NAA60: variants seen among roughly 807,000 people sequenced by gnomAD.
NAA60 encodes N-alpha-acetyltransferase 60.
In NAA60, 8 loss-of-function variants were observed where a neutral mutation model predicts 26.1. The observed-to-expected ratio is 0.31, with a 90% CI of 0.18 to 0.55. NAA60 has a LOEUF of 0.55. Ranked by LOEUF, NAA60 falls within the 20% of genes least tolerant of loss-of-function variation. The pLI is 0.93. For synonymous variants in NAA60, 131 were observed against 122.5 expected, an observed-to-expected ratio of 1.07 and a Z score of -0.46; for missense variants, 290 against 311.3, an observed-to-expected ratio of 0.93 and a Z score of 0.51.
In NAA60 at chr16:3,476,156, C is replaced by G. The variant is rs539545778; in HGVS notation, c.-6-66C>G. On this transcript the variant is annotated intron_variant, in intron 2 of 7. Transcript: ENST00000407558. Reference sequence around the variant, plus strand: ...CTCCGTGCTCTTCTGTCTCGCCTGCCTCACAAGCTGAGCATGAGGAAGACC... The same window carrying G: ...CTCCGTGCTCTTCTGTCTCGCCTGCGTCACAAGCTGAGCATGAGGAAGACC... 1.9e-5 allele frequency: 24 copies of G among 1,292,392 alleles called. No homozygotes were observed. In the African/African-American group the frequency reaches 3.3e-4, roughly 18 times the overall value. 80.1% of individuals were successfully genotyped at this position (1,292,392 alleles called of 1,614,324 possible).
At chr16:3,443,961 G>C (rs1031471447) in intron 1 of NAA60, 124 bp downstream of exon 1, 10 of 1,387,774 alleles carry the variant, frequency 7.2e-6, no homozygotes, top group Non-Finnish European at 9.3e-6. Context: ...TGAGCGGATG[G>C]TGGGGCCGTG....
intron 2 of NAA60, among the ~76,000 whole-genome samples, chr16:3,463,407 G>T (rs1223633752): frequency 1.3e-5 from 2 of 151,266 alleles, no homozygotes; most frequent in Admixed American, 6.6e-5. Context: ...AAAATTACCT[G>T]AGTGTAGTAA....
intron 1 of NAA60, 99 bp downstream of exon 1, chr16:3,443,936 C>T: frequency 7.0e-7 from 1 of 1,433,520 alleles, no homozygotes; most frequent in Non-Finnish European, 9.1e-7. Context: ...TGGGCTTGAG[C>T]TGTCCTTTGT....
chr16:3,460,244 T>C (rs779351449), intron 2 of NAA60, among the ~76,000 whole-genome samples: 4 of 152,252 alleles, frequency 2.6e-5, no homozygotes, highest in Non-Finnish European at 4.4e-5. Flanking sequence ...TATCAGACAC[T>C]GTTTTCTTAA....
At chr16:3,467,132 G>T (rs2035815833) in intron 2 of NAA60, among the ~76,000 whole-genome samples, 1 of 152,160 alleles carries the variant, frequency 6.6e-6, no homozygotes, top group Admixed American at 6.5e-5. Flanking sequence ...GGGGTTGGGG[G>T]GCGGCCTTTA....
intron 4 of NAA60, among the ~76,000 whole-genome samples, chr16:3,480,657 C>G (rs987879454): frequency 6.6e-6 from 1 of 151,402 alleles, no homozygotes; most frequent in Non-Finnish European, 1.5e-5. Flanking sequence ...GTGGCTCACA[C>G]CTATAACCCC....
chr16:3,456,821 C>G (rs184039591), intron 2 of NAA60: 1 of 151,738 alleles, frequency 6.6e-6, no homozygotes, highest in African/African-American at 2.4e-5. Flanking sequence ...TGGAGTTTTG[C>G]TTTTGTCGCG....
At chr16:3,471,931 G>T (rs376868270) in intron 2 of NAA60, among the ~76,000 whole-genome samples, 12 of 152,148 alleles carry the variant, frequency 7.9e-5, no homozygotes, top group East Asian at 5.8e-4. Flanking sequence ...TGCCTTGTCC[G>T]TCGATGTTGT....
intron 1 of NAA60, among the ~76,000 whole-genome samples, chr16:3,447,880 A>T (rs1051319222): frequency 6.6e-6 from 1 of 152,222 alleles, no homozygotes; most frequent in Non-Finnish European, 1.5e-5. Context: ...AAAAAAGCTC[A>T]GGGCTCTAAA....
intron 2 of NAA60, chr16:3,449,929 C>G: frequency 2.5e-6 from 1 of 395,954 alleles, no homozygotes; most frequent in Non-Finnish European, 4.5e-6. Flanking sequence ...GCCTCCCCAG[C>G]CACGTGGAAC....
At chr16:3,484,593 C>G in intron 6 of NAA60, 106 bp from the exon 7 acceptor site, 1 of 1,436,258 alleles carries the variant, frequency 7.0e-7, no homozygotes, top group Non-Finnish European at 9.4e-7. Flanking sequence ...CGAAGCCTGG[C>G]TTGCCATCTG....
chr16:3,450,730 T>C (rs1385239958), intron 2 of NAA60, among the ~76,000 whole-genome samples: 1 of 145,742 alleles, frequency 6.9e-6, no homozygotes, highest in Non-Finnish European at 1.5e-5. Flanking sequence ...AAAAAGAAAG[T>C]TGTGATCCAA....
chr16:3,471,656 G>A (rs773087722), intron 2 of NAA60, among the ~76,000 whole-genome samples: 1 of 152,178 alleles, frequency 6.6e-6, no homozygotes, highest in Non-Finnish European at 1.5e-5. Context: ...GACCCGGGCT[G>A]TACCGGCTGG....
chr16:3,485,373 C>G (rs914961040), intron 7 of NAA60, 94 bp from the exon 8 acceptor site: 2 of 471,784 alleles, frequency 4.2e-6, no homozygotes, highest in Non-Finnish European at 8.4e-6. Flanking sequence ...CCTGGAGCAC[C>G]CAGGCCCAGC....
At chr16:3,475,888 C>T (rs1567390923) in intron 2 of NAA60, among the ~76,000 whole-genome samples, 1 of 152,246 alleles carries the variant, frequency 6.6e-6, no homozygotes, top group Non-Finnish European at 1.5e-5. Context: ...GCCGTTGACC[C>T]TCGGAAGGAC....
intron 2 of NAA60, among the ~76,000 whole-genome samples, chr16:3,463,553 A>T (rs941193330): frequency 1.1e-4 from 1 of 9,392 alleles, no homozygotes; most frequent in Admixed American, 9.0e-4. Context: ...CCCTGTGTTA[A>T]AAAAAAAAAA....
At chr16:3,444,172 C>T (rs566599061) in intron 1 of NAA60, among the ~76,000 whole-genome samples, 9 of 152,228 alleles carry the variant, frequency 5.9e-5, no homozygotes, top group African/African-American at 2.2e-4. Context: ...CGTTGTTCGC[C>T]CCCGGATACC....
chr16:3,477,791 C>T (rs1045240883), intron 3 of NAA60, among the ~76,000 whole-genome samples: 12 of 151,934 alleles, frequency 7.9e-5, no homozygotes, highest in African/African-American at 2.9e-4. Flanking sequence ...TTGGGCCGGG[C>T]GCAGTGGCTC....
intron 2 of NAA60, chr16:3,458,070 C>T (rs1391495420): frequency 6.1e-6 from 6 of 985,234 alleles, no homozygotes; most frequent in African/African-American, 1.7e-5. Context: ...GCGGCCCCTG[C>T]CGGTTACATA....
Sources: allele counts gnomAD v4.1 joint callset (sites outside exome capture counted in the v4.1 genomes callset), GRCh38; gene constraint gnomAD v4.1.1; transcripts MANE v1.5; gene names NCBI Gene and HGNC (gene_info 2026-07-23, HGNC 2026-07-21).